CCDC138: variants seen among roughly 807,000 people sequenced by gnomAD.
The protein encoded by CCDC138 is coiled-coil domain-containing protein 138.
In CCDC138, 66 loss-of-function variants were observed where a neutral mutation model predicts 82.3. The observed-to-expected ratio is 0.80, with a 90% CI of 0.66 to 0.98. The LOEUF is 0.98. Among genes scored for constraint, CCDC138 ranks in the 50% least tolerant of loss-of-function variants. The probability of loss-of-function intolerance (pLI) is 0.00; values close to 1 mark genes in which losing one functional copy is unlikely to be tolerated. For synonymous variants in CCDC138, 297 were observed against 265.4 expected (o/e 1.12, Z -1.16); for missense variants, 816 against 758.9 (o/e 1.08, Z -0.88).
chr2:108,835,993 C>T (rs1005936168), intron 10 of CCDC138, among the ~76,000 whole-genome samples: 4 of 152,304 alleles, frequency 2.6e-5, no homozygotes, highest in South Asian at 2.1e-4. Flanking sequence ...CAGTCCCACA[C>T]GCCTTTATTA....
intron 10 of CCDC138, among the ~76,000 whole-genome samples, chr2:108,825,450 T>A (rs753933867): frequency 9.2e-5 from 14 of 152,108 alleles, no homozygotes; most frequent in Non-Finnish European, 1.3e-4. Context: ...ACCCAACCCA[T>A]TAGCAGTTGC....
intron 4 of CCDC138, among the ~76,000 whole-genome samples, chr2:108,794,272 C>T (rs2149476066): frequency 6.6e-6 from 1 of 152,172 alleles, no homozygotes; most frequent in South Asian, 2.1e-4. Context: ...CAATTAGTGT[C>T]TTTTTATATC....
intron 10 of CCDC138, among the ~76,000 whole-genome samples, chr2:108,831,725 C>CTTCCTTCCTTCCTTCCTTCT (rs1319172435): frequency 6.6e-6 from 1 of 151,782 alleles, no homozygotes; most frequent in African/African-American, 2.4e-5. Context: ...TCCTTCCTTC[C>CTTCCTTCCTTCCTTCCTTCT]TTCCTTCCTT....
rs534832487 is a variant in CCDC138 at position 108,875,666 on chromosome 2, T to A, written c.1833-422T>A. On this transcript the variant is annotated intron_variant, in intron 14 of 14. Coordinates refer to ENST00000295124, the MANE Select transcript of CCDC138 (RefSeq NM_144978.3). ...TGAGCCCAGAAGTTCAAGACCAGCCTTAGCAACATAGTGACACCCTGTCTC... is the reference window on the plus strand; with the variant it reads ...TGAGCCCAGAAGTTCAAGACCAGCCATAGCAACATAGTGACACCCTGTCTC... 4.6e-5 allele frequency among the ~76,000 whole-genome samples: 7 copies of A among 152,258 alleles called. No individual in the cohort carries two copies. In the South Asian group the frequency reaches 1.2e-3, roughly 27 times the overall value.
chr2:108,847,512 A>C (rs765702975), intron 12 of CCDC138, among the ~76,000 whole-genome samples: 4 of 152,210 alleles, frequency 2.6e-5, no homozygotes, highest in Non-Finnish European at 5.9e-5. Context: ...CCCTGCACCT[A>C]GTGTAGTGCT....
At chr2:108,800,295 C>T (rs995913344) in intron 6 of CCDC138, among the ~76,000 whole-genome samples, 6 of 152,116 alleles carry the variant, frequency 3.9e-5, no homozygotes, top group Admixed American at 1.3e-4. Flanking sequence ...GAGATAGTCT[C>T]GCTCTGTCAT....
intron 11 of CCDC138, among the ~76,000 whole-genome samples, chr2:108,840,264 CTT>C (rs1006480832): frequency 2.0e-5 from 3 of 151,818 alleles, no homozygotes; most frequent in East Asian, 1.9e-4. Flanking sequence ...TTGTTAAGGA[CTT>C]TTGTTTCTAT....
At chr2:108,802,841 G>A (rs569752667) in intron 6 of CCDC138, among the ~76,000 whole-genome samples, 1 of 152,168 alleles carries the variant, frequency 6.6e-6, no homozygotes, top group Non-Finnish European at 1.5e-5. Context: ...CAGCATGAAG[G>A]GTTGTTGAAT....
At chr2:108,822,488 A>G (rs1321776730) in intron 10 of CCDC138, among the ~76,000 whole-genome samples, 1 of 152,216 alleles carries the variant, frequency 6.6e-6, no homozygotes, top group Non-Finnish European at 1.5e-5. Flanking sequence ...ACCCAACAAC[A>G]GCAGATGATA....
chr2:108,861,472 C>CTTTTTTTTTTTTTT lies in CCDC138; in HGVS notation c.1693+4515_1693+4528dup, dbSNP rs201132350. On this transcript the variant is annotated intron_variant, in intron 13 of 14. Transcript: ENST00000295124. ...ACATTTAGCACTATAAACTTTCTTCCTTTTTTTTTTTTTTTTTTTTTTTTT... is the reference window on the plus strand; with the variant it reads ...ACATTTAGCACTATAAACTTTCTTCCTTTTTTTTTTTTTTTTTTTTTTTTTTTTTTTTTTTTTTT... Among the ~76,000 whole-genome samples, 12 of 123,520 alleles carry CTTTTTTTTTTTTTT rather than the reference C, an allele frequency of 9.7e-5. 1 individual carries two copies. Among genetic ancestry groups the CTTTTTTTTTTTTTT allele is most frequent in the African/African-American group, 3.1e-4 (8 of 25,880 alleles). 81.0% of individuals were successfully genotyped at this position (123,520 alleles called of 152,430 possible).
chr2:108,848,485 T>C (rs1211721276), intron 12 of CCDC138, among the ~76,000 whole-genome samples: 1 of 152,148 alleles, frequency 6.6e-6, no homozygotes, highest in Non-Finnish European at 1.5e-5. Context: ...GATGAATAGG[T>C]TGATGAAGAT....
intron 13 of CCDC138, among the ~76,000 whole-genome samples, chr2:108,860,708 A>G (rs1247120655): frequency 6.6e-6 from 1 of 151,800 alleles, no homozygotes; most frequent in East Asian, 1.9e-4. Flanking sequence ...GTTTGCCAGT[A>G]TTTTGTTGAG....
intron 14 of CCDC138, among the ~76,000 whole-genome samples, chr2:108,874,634 T>C (rs1383664853): frequency 1.3e-5 from 2 of 152,206 alleles, no homozygotes; most frequent in African/African-American, 4.8e-5. Context: ...GCAATGCATC[T>C]TGAAATTATT....
chr2:108,824,498 G>A (rs1018252164), intron 10 of CCDC138, among the ~76,000 whole-genome samples: 5 of 151,996 alleles, frequency 3.3e-5, no homozygotes, highest in African/African-American at 9.7e-5. Context: ...GAAGGTCTTC[G>A]GGGCAATAAC....
intron 10 of CCDC138, among the ~76,000 whole-genome samples, chr2:108,829,996 A>G (rs547318411): frequency 2.0e-5 from 3 of 149,776 alleles, no homozygotes; most frequent in Non-Finnish European, 4.4e-5. Flanking sequence ...ATTATATATA[A>G]TAAAAAGAAG....
intron 10 of CCDC138, among the ~76,000 whole-genome samples, chr2:108,825,266 G>A (rs1427754798): frequency 1.1e-5 from 1 of 93,390 alleles, no homozygotes; most frequent in African/African-American, 2.7e-5. Context: ...TTGTTCTGGT[G>A]GTGGGTTTTT....
At chr2:108,866,513 T>C (rs1694433413) in intron 13 of CCDC138, among the ~76,000 whole-genome samples, 1 of 152,204 alleles carries the variant, frequency 6.6e-6, no homozygotes, top group East Asian at 1.9e-4. Flanking sequence ...ATTTAGGATA[T>C]TCCATGTACA....
intron 10 of CCDC138, among the ~76,000 whole-genome samples, chr2:108,830,532 A>C (rs554656444): frequency 6.6e-6 from 1 of 152,150 alleles, no homozygotes; most frequent in Non-Finnish European, 1.5e-5. Context: ...CAGAAACCAA[A>C]GGCATGGCTC....
intron 10 of CCDC138, among the ~76,000 whole-genome samples, chr2:108,821,928 CAA>C (rs61088256): frequency 6.1e-5 from 8 of 130,828 alleles, no homozygotes; most frequent in Admixed American, 1.5e-4. Flanking sequence ...AACTTTGTCT[CAA>C]AAAAAAAAAA....
Sources: allele counts gnomAD v4.1 joint callset (sites outside exome capture counted in the v4.1 genomes callset), GRCh38; gene constraint gnomAD v4.1.1; transcripts MANE v1.5; gene names NCBI Gene and HGNC (gene_info 2026-07-23, HGNC 2026-07-21).